FBXO11: variants seen among roughly 807,000 people sequenced by gnomAD.
FBXO11 encodes the protein F-box only protein 11.
A neutral mutation model predicts 117.0 loss-of-function variants in FBXO11; 13 were observed. The observed-to-expected ratio is 0.11, with a 90% CI of 0.07 to 0.18. FBXO11 has a LOEUF of 0.18. Among genes scored for constraint, FBXO11 ranks in the 10% least tolerant of loss-of-function variants. The probability of loss-of-function intolerance (pLI) is 1.00; values close to 1 mark genes in which losing one functional copy is unlikely to be tolerated. For missense variants in FBXO11, 767 were observed against 1,164.4 expected (o/e 0.66, Z 4.97); for synonymous variants, 490 against 380.5 (o/e 1.29, Z -3.35).
chr2:47,828,023 C>A (rs1034338909), intron 11 of FBXO11, among the ~76,000 whole-genome samples: 3 of 152,016 alleles, frequency 2.0e-5, no homozygotes, highest in African/African-American at 7.2e-5. Flanking sequence ...CGGGAATCTC[C>A]CTGTCACCCA....
At chr2:47,874,724 G>A (rs1045515862) in intron 1 of FBXO11, among the ~76,000 whole-genome samples, 10 of 152,082 alleles carry the variant, frequency 6.6e-5, no homozygotes, top group South Asian at 6.2e-4. Flanking sequence ...TAGTAGAGAT[G>A]GGATTTCACC....
chr2:47,834,943 G>T lies in FBXO11; in HGVS notation c.718-72C>A, dbSNP rs796801072. On this transcript the variant is annotated intron_variant, in intron 5 of 22. Coordinates refer to ENST00000403359, the MANE Select transcript of FBXO11 (RefSeq NM_001190274.2). ...CTTATATTTAAATTAATGTACAATT[G>T]CATGAACAACTTTTATTACAAATCA... is the stretch of plus-strand genomic sequence containing the variant. The T allele has an allele frequency of 1.3e-5, 13 of 1,024,110 alleles. 1 individual carries two copies. The African/African-American group carries it at 1.6e-4, about 13-fold the overall frequency. 63.4% of individuals were successfully genotyped at this position (1,024,110 alleles called of 1,614,324 possible).
intron 1 of FBXO11, chr2:47,888,536 C>T (rs936577405): frequency 5.0e-6 from 1 of 198,770 alleles, no homozygotes; most frequent in Non-Finnish European, 9.0e-6. Flanking sequence ...TTTTCTTTAG[C>T]TATCTTCTGA....
chr2:47,905,406 G>A, intron 1 of FBXO11, 83 bp downstream of exon 1: 1 of 343,992 alleles, frequency 2.9e-6, no homozygotes, highest in Non-Finnish European at 3.5e-6. Flanking sequence ...GGCCGCCCCC[G>A]CCCGCCCGCC....
intron 1 of FBXO11, among the ~76,000 whole-genome samples, chr2:47,853,533 C>CT (rs1230354166): frequency 2.6e-5 from 4 of 152,030 alleles, no homozygotes; most frequent in African/African-American, 7.2e-5. Flanking sequence ...AGCACAATGA[C>CT]TAAGGATACA....
intron 1 of FBXO11, among the ~76,000 whole-genome samples, chr2:47,902,331 C>G (rs993041537): frequency 2.0e-5 from 3 of 152,334 alleles, no homozygotes; most frequent in Admixed American, 2.0e-4. Flanking sequence ...CTTAGGATAG[C>G]TGATCATTTC....
Position 47,906,010 on chromosome 2 carries a change from G to T in FBXO11, c.-290C>A, listed in dbSNP as rs1435082722. On this transcript the variant is annotated 5_prime_UTR_variant, in exon 1 of 23. Coordinates refer to ENST00000403359, the MANE Select transcript of FBXO11 (RefSeq NM_001190274.2). ...GCGAGGGACGAAGGCAGAAAGACGGGCAGACCGAGAGAAAGAAAGAAAGGG... is the reference window on the plus strand; with the variant it reads ...GCGAGGGACGAAGGCAGAAAGACGGTCAGACCGAGAGAAAGAAAGAAAGGG... 6 of 350,612 alleles carry T rather than the reference G, an allele frequency of 1.7e-5. No individual in the cohort carries two copies. Among genetic ancestry groups the T allele is most frequent in the Non-Finnish European group, 3.1e-5 (6 of 192,088 alleles). 21.7% of individuals were successfully genotyped at this position (350,612 alleles called of 1,614,324 possible). A position where few individuals can be genotyped will look rare whatever the true frequency, so the allele number is the denominator to read the frequency against.
At chr2:47,822,373 A>C (rs1362615569) in intron 12 of FBXO11, 70 bp from the exon 13 acceptor site, 1 of 920,722 alleles carries the variant, frequency 1.1e-6, no homozygotes, top group African/African-American at 1.7e-5. Flanking sequence ...ATACAACGGT[A>C]AGGCCCCTCA....
rs1230941276 is a variant in FBXO11, at chr2:47,879,160, T to C, written c.232+26329A>G. On this transcript the variant is annotated intron_variant, in intron 1 of 22. Coordinates refer to ENST00000403359, the MANE Select transcript of FBXO11 (RefSeq NM_001190274.2). The stretch of plus-strand genomic sequence containing the variant: ...CTTACAGCTGCATGGTATTCCATTA[T>C]ATGGTTTTTCCATAATTTCTTTGAC... Among the ~76,000 whole-genome samples the C allele has an allele frequency of 4.6e-5, 7 of 152,244 alleles. No homozygotes were observed. In the South Asian group the frequency reaches 8.3e-4, roughly 18 times the overall value.
Position 47,813,843 on chromosome 2 carries a change from T to C in FBXO11, c.2031A>G (p.Arg677=), listed in dbSNP as rs1376218711. The change falls in exon 17 of 23, where the codon AGA becomes AGG. Residue 677 remains arginine, a synonymous_variant. Transcript: ENST00000403359. ...QIRTGSNPKI[R]RNKIWGGQNG... The stretch of plus-strand genomic sequence containing the variant: ...TCTGTCCTCCCCAGATTTTGTTGCG[T>C]CTAATTTTGGGGTTGCTTCCAGTCC... The C allele has an allele frequency of 6.2e-7, 1 of 1,613,530 alleles. No homozygotes were observed. Among genetic ancestry groups the C allele is most frequent in the East Asian group, 2.2e-5 (1 of 44,848 alleles).
intron 18 of FBXO11, among the ~76,000 whole-genome samples, chr2:47,811,888 T>C (rs563141268): frequency 6.6e-6 from 1 of 152,350 alleles, no homozygotes; most frequent in East Asian, 1.9e-4. Flanking sequence ...AGTACAGGTG[T>C]GAGCCACTGT....
At chr2:47,842,658 C>T (rs995828819) in intron 1 of FBXO11, among the ~76,000 whole-genome samples, 1 of 151,596 alleles carries the variant, frequency 6.6e-6, no homozygotes, top group African/African-American at 2.4e-5. Flanking sequence ...GTAAAACACA[C>T]AGTATGCCTG....
intron 1 of FBXO11, among the ~76,000 whole-genome samples, chr2:47,892,229 A>C (rs924735989): frequency 1.3e-5 from 2 of 152,206 alleles, no homozygotes; most frequent in Non-Finnish European, 2.9e-5. Context: ...TAGATTCCAT[A>C]TACAGTATTT....
At chr2:47,833,905 C>A (rs528869410) in intron 7 of FBXO11, among the ~76,000 whole-genome samples, 1 of 152,098 alleles carries the variant, frequency 6.6e-6, no homozygotes, top group South Asian at 2.1e-4. Flanking sequence ...TGACCTGAAG[C>A]GATCCACCCA....
Position 47,807,910 on chromosome 2 carries a change from T to C in FBXO11, c.*208A>G. 1 of 512,434 alleles carries C rather than the reference T, an allele frequency of 2.0e-6. No individual in the cohort carries two copies. Among genetic ancestry groups the C allele is most frequent in the Non-Finnish European group, 3.5e-6 (1 of 286,764 alleles). 31.7% of individuals were successfully genotyped at this position (512,434 alleles called of 1,614,324 possible). A position where few individuals can be genotyped will look rare whatever the true frequency, so the allele number is the denominator to read the frequency against. On this transcript the variant is annotated 3_prime_UTR_variant, in exon 23 of 23. Transcript: ENST00000403359. ...GTCCCTTCAAGTCTTTACACAGTAATGCTAAAACACCCAGCTTTGAGATCC... is the reference window on the plus strand; with the variant it reads ...GTCCCTTCAAGTCTTTACACAGTAACGCTAAAACACCCAGCTTTGAGATCC...
At chr2:47,836,172 G>A (rs1672547478) in intron 4 of FBXO11, among the ~76,000 whole-genome samples, 171 bp from the exon 5 acceptor site, 1 of 151,852 alleles carries the variant, frequency 6.6e-6, no homozygotes, top group Admixed American at 6.6e-5. Flanking sequence ...CAGTCTCACT[G>A]TCATCCAGGC....
rs1558492945 is a variant in FBXO11, at chr2:47,905,517, A to T, written c.204T>A (p.Pro68=). 8.1e-7 allele frequency: 1 copy of T among 1,233,928 alleles called. No individual in the cohort carries two copies. Among genetic ancestry groups the T allele is most frequent in the Non-Finnish European group, 1.0e-6 (1 of 990,892 alleles). The allele number at this position is 1,233,928 out of a possible 1,614,324, so 76.4% of individuals were successfully genotyped here. Residue 68 remains proline (P), a synonymous_variant, in exon 1 of 23, where the codon CCT becomes CCA. Transcript: ENST00000403359. ...PPPPPPPPPL[P]QERNNVGERD... Reference sequence around the variant, plus strand: ...GCTCGCCGACGTTGTTCCGCTCCTGAGGCAGCGGCGGAGGCGGCGGTGGCG... The same window carrying T: ...GCTCGCCGACGTTGTTCCGCTCCTGTGGCAGCGGCGGAGGCGGCGGTGGCG...
At chr2:47,808,679 C>A in intron 21 of FBXO11, 1 of 386,996 alleles carries the variant, frequency 2.6e-6, no homozygotes, top group Non-Finnish European at 4.6e-6. Context: ...AAAAGCCTCT[C>A]AAATGTTTCT....
chr2:47,862,749 T>TA (rs1432662189), intron 1 of FBXO11, among the ~76,000 whole-genome samples: 3 of 152,138 alleles, frequency 2.0e-5, no homozygotes, highest in Non-Finnish European at 4.4e-5. Context: ...CCCAAAGACT[T>TA]ACAGCAGCTT....
Sources: gnomAD v4.1 joint callset for allele counts (sites outside exome capture counted in the v4.1 genomes callset) on GRCh38, gnomAD v4.1.1 for gene constraint, MANE v1.5 for transcripts, NCBI Gene and HGNC (gene_info 2026-07-23, HGNC 2026-07-21) for gene names.